EWSR1: variants seen among roughly 807,000 people sequenced by gnomAD.
The protein encoded by EWSR1 is EWS RNA binding protein 1, also known as RNA-binding protein EWS.
A neutral mutation model predicts 92.1 loss-of-function variants in EWSR1; 14 were observed. The observed-to-expected ratio is 0.15, with a 90% CI of 0.10 to 0.24. The LOEUF is 0.24. Among genes scored for constraint, EWSR1 ranks in the 10% least tolerant of loss-of-function variants. The pLI, the probability that EWSR1 is intolerant of heterozygous loss-of-function variation, is 1.00. For synonymous variants in EWSR1, 303 were observed against 292.9 expected, an observed-to-expected ratio of 1.03 and a Z score of -0.35; for missense variants, 637 against 870.9, an observed-to-expected ratio of 0.73 and a Z score of 3.38.
At chr22:29,290,821 T>C (rs918141325) in intron 8 of EWSR1, 2 of 413,990 alleles carry the variant, frequency 4.8e-6, no homozygotes, top group Non-Finnish European at 7.2e-6. Flanking sequence ...GGAGCTGCCT[T>C]TATTTAATTT....
intron 8 of EWSR1, chr22:29,289,648 C>T (rs934179451): frequency 8.6e-6 from 2 of 232,036 alleles, no homozygotes; most frequent in Non-Finnish European, 1.7e-5. Context: ...AAAAGTTATG[C>T]AGAATGTTAG....
intron 13 of EWSR1, 151 bp from the exon 14 acceptor site, chr22:29,298,582 G>T (rs906532624): frequency 4.6e-6 from 4 of 869,166 alleles, no homozygotes; most frequent in Admixed American, 2.0e-5. Flanking sequence ...AGGGAAGGGG[G>T]CTGATGGCCT....
At chr22:29,282,922 C>G (rs552790541) in intron 6 of EWSR1, among the ~76,000 whole-genome samples, 2 of 152,122 alleles carry the variant, frequency 1.3e-5, no homozygotes, top group East Asian at 3.9e-4. Flanking sequence ...GCCACCACGC[C>G]CAGCTAATTT....
rs1569029737 is a variant in EWSR1 at position 29,268,353 on chromosome 22, A to AGTAT, written c.13+6_13+9dup. 6.2e-7 allele frequency: 1 copy of AGTAT among 1,614,096 alleles called. No individual in the cohort carries two copies. The highest frequency in any genetic ancestry group is 2.2e-5 in the East Asian group (1 of 44,876). On this transcript the variant is annotated splice_donor_region_variant and intron_variant, in intron 1 of 16. Transcript: ENST00000397938. ...GGAGAGAAAATGGCGTCCACGGGTG[A>AGTAT]GTATGGTGGAACTGCGGTCGCGCCG...
intron 11 of EWSR1, chr22:29,295,947 G>T: frequency 2.7e-6 from 1 of 364,646 alleles, no homozygotes; most frequent in South Asian, 3.6e-5. Context: ...GTGGATACCT[G>T]TCTGGGCATA....
chr22:29,282,264 T>A, intron 5 of EWSR1, 126 bp from the exon 6 acceptor site: 1 of 710,196 alleles, frequency 1.4e-6, no homozygotes, highest in Non-Finnish European at 2.2e-6. Flanking sequence ...TGTATTTATT[T>A]CCAGGCTTAA....
chr22:29,273,976 G>T (rs2058899340), intron 4 of EWSR1, 112 bp downstream of exon 4: 3 of 1,374,154 alleles, frequency 2.2e-6, no homozygotes, highest in Non-Finnish European at 3.0e-6. Flanking sequence ...GGCATCTGGG[G>T]AATCCTTTAT....
chr22:29,295,829 A>G (rs201600187), intron 11 of EWSR1: 1 of 230,924 alleles, frequency 4.3e-6, no homozygotes, highest in East Asian at 6.3e-5. Context: ...TAGTTCACTC[A>G]CAGCCTGTAC....
rs2059267952 is a variant in EWSR1, at chr22:29,278,222, G to T, written c.413+6G>T. 3 of 1,612,906 alleles carry T rather than the reference G, an allele frequency of 1.9e-6. No homozygotes were observed. Among genetic ancestry groups the T allele is most frequent in the Non-Finnish European group, 2.5e-6 (3 of 1,179,280 alleles). On this transcript the variant is annotated splice_donor_region_variant and intron_variant, in intron 5 of 16. Transcript: ENST00000397938. ...GCAGCCACTGCACCTACAAGGTAAGGCCATGGTGTCCTTAATGCGTCAGTC... is the reference window on the plus strand; with the variant it reads ...GCAGCCACTGCACCTACAAGGTAAGTCCATGGTGTCCTTAATGCGTCAGTC...
intron 13 of EWSR1, 143 bp from the exon 14 acceptor site, chr22:29,298,590 C>T: frequency 1.0e-6 from 1 of 972,472 alleles, no homozygotes; most frequent in Non-Finnish European, 1.6e-6. Flanking sequence ...GGGCTGATGG[C>T]CTGAGCCACA....
In EWSR1 at chr22:29,286,907, C is replaced by G; in HGVS notation, c.582-16C>G. ...TCTAAAAAAGCTTTTTTTTTTTTCT[C>G]TTCTCTCTCTTTCAGCTATTCCTCT... On this transcript the variant is annotated splice_polypyrimidine_tract_variant and intron_variant, in intron 6 of 16. Transcript: ENST00000397938. 5.9e-6 allele frequency: 9 copies of G among 1,524,792 alleles called. No homozygotes were observed. The highest frequency in any genetic ancestry group is 1.2e-5 in the South Asian group (1 of 82,420). The allele number at this position is 1,524,792 out of a possible 1,614,324, so 94.5% of individuals were successfully genotyped here. A position where few individuals can be genotyped will look rare whatever the true frequency, so the allele number is the denominator to read the frequency against.
chr22:29,282,266 C>T, intron 5 of EWSR1, 124 bp from the exon 6 acceptor site: 4 of 710,914 alleles, frequency 5.6e-6, no homozygotes, highest in Non-Finnish European at 2.2e-6. Flanking sequence ...TATTTATTTC[C>T]AGGCTTAATC....
chr22:29,273,910 A>T, intron 4 of EWSR1, 46 bp downstream of exon 4: 1 of 1,608,436 alleles, frequency 6.2e-7, no homozygotes, highest in Non-Finnish European at 8.5e-7. Context: ...TGGCTAGGGC[A>T]TTGGCTAAGA....
rs769779580 is a variant in EWSR1 at position 29,299,339 on chromosome 22, C to A, written c.1678+8C>A. 1 of 1,612,614 alleles carries A rather than the reference C, an allele frequency of 6.2e-7. No individual in the cohort carries two copies. The highest frequency in any genetic ancestry group is 8.5e-7 in the Non-Finnish European group (1 of 1,178,784). ...CACCCTTTCCGCCCCCGGGTAGGTG[C>A]AGGTTTCATGAGTGTCCCCTCAGCT... is the stretch of plus-strand genomic sequence containing the variant. On this transcript the variant is annotated splice_region_variant and intron_variant, in intron 15 of 16. Coordinates refer to ENST00000397938, the MANE Select transcript of EWSR1 (RefSeq NM_005243.4).
In EWSR1 at chr22:29,300,104, G is replaced by A; in HGVS notation, c.1932-18G>A. On this transcript the variant is annotated intron_variant, in intron 16 of 16. Coordinates refer to ENST00000397938, the MANE Select transcript of EWSR1 (RefSeq NM_005243.4). ...CACCCCTTCCCATTCTAACCGAAGG[G>A]CCCTCTTTACCTTGCAGAGGCGAGC... is the stretch of plus-strand genomic sequence containing the variant. 2 of 1,600,752 alleles carry A rather than the reference G, an allele frequency of 1.2e-6. No individual in the cohort carries two copies. Among genetic ancestry groups the A allele is most frequent in the Non-Finnish European group, 1.7e-6 (2 of 1,177,008 alleles).
chr22:29,282,073 A>G (rs1194050823), intron 5 of EWSR1, among the ~76,000 whole-genome samples: 1 of 152,190 alleles, frequency 6.6e-6, no homozygotes, highest in African/African-American at 2.4e-5. Flanking sequence ...CGGATCACCT[A>G]AACTGGTAGC....
intron 13 of EWSR1, among the ~76,000 whole-genome samples, 177 bp downstream of exon 13, chr22:29,298,126 C>T (rs1338981893): frequency 6.6e-6 from 1 of 152,204 alleles, no homozygotes; most frequent in Non-Finnish European, 1.5e-5. Context: ...ACATGGGAGG[C>T]TGGAAGCCAC....
In EWSR1 at chr22:29,297,888, C is replaced by T. The variant is rs952675839; in HGVS notation, c.1356C>T (p.Asn452=). 1 of 1,614,048 alleles carries T rather than the reference C, an allele frequency of 6.2e-7. No homozygotes were observed. Among genetic ancestry groups the T allele is most frequent in the Non-Finnish European group, 8.5e-7 (1 of 1,180,000 alleles). The change falls in exon 13 of 17, where the codon AAC becomes AAT. Residue 452 remains asparagine, a synonymous_variant. Coordinates refer to ENST00000397938, the MANE Select transcript of EWSR1 (RefSeq NM_005243.4). ...VSLARKKPPM[N]SMRGGLPPRE... Reference sequence around the variant, plus strand: ...TTGCTCGGAAGAAGCCTCCAATGAACAGTATGCGGGGTGGTCTGCCACCCC... The same window carrying T: ...TTGCTCGGAAGAAGCCTCCAATGAATAGTATGCGGGGTGGTCTGCCACCCC...
At chr22:29,282,364 AT>A (rs2147180280) in intron 5 of EWSR1, 25 bp from the exon 6 acceptor site, 1 of 1,508,848 alleles carries the variant, frequency 6.6e-7, no homozygotes, top group East Asian at 2.6e-5. Flanking sequence ...TCACTTTTTA[AT>A]TTTATTTATT....
Sources: allele counts gnomAD v4.1 joint callset (sites outside exome capture counted in the v4.1 genomes callset), GRCh38; gene constraint gnomAD v4.1.1; transcripts MANE v1.5; gene names NCBI Gene and HGNC (gene_info 2026-07-23, HGNC 2026-07-21).